The following QTMAN variants were observed in gnomAD, a reference collection of about 807,000 sequenced individuals.
QTMAN encodes queuosine-tRNA mannosyltransferase.
At chr2:144,013,546 A>T in the QTMAN span, among the ~76,000 whole-genome samples, 1 of 152,200 alleles carries the variant, frequency 6.6e-6, no homozygotes, top group Non-Finnish European at 1.5e-5. Context: ...AGACAAAAGG[A>T]CGTCTAAAAG....
the QTMAN span, among the ~76,000 whole-genome samples, chr2:144,253,054 T>C: frequency 6.6e-6 from 1 of 152,156 alleles, no homozygotes; most frequent in African/African-American, 2.4e-5. Flanking sequence ...GGGAGGTAAT[T>C]GAATCATGGG....
the QTMAN span, among the ~76,000 whole-genome samples, chr2:144,265,472 C>T: frequency 1.3e-5 from 2 of 152,006 alleles, no homozygotes; most frequent in African/African-American, 4.8e-5. Flanking sequence ...CTGAGGGGGG[C>T]AGATCACGAG....
the QTMAN span, chr2:143,952,989 C>T: frequency 6.7e-6 from 4 of 597,580 alleles, no homozygotes; most frequent in Non-Finnish European, 1.2e-5. Context: ...ATTCTAAAAG[C>T]CAAAGTTGCT....
the QTMAN span, among the ~76,000 whole-genome samples, chr2:144,213,745 T>C: frequency 6.6e-6 from 1 of 152,182 alleles, no homozygotes; most frequent in African/African-American, 2.4e-5. Flanking sequence ...CTATATGCAA[T>C]ATTTGGAAAC....
chr2:144,038,099 C>A, the QTMAN span, among the ~76,000 whole-genome samples: 4 of 152,158 alleles, frequency 2.6e-5, no homozygotes, highest in Admixed American at 6.6e-5. Context: ...AATGGCTATG[C>A]CTGTCAGGGC....
At chr2:144,317,049 A>C in the QTMAN span, among the ~76,000 whole-genome samples, 3 of 152,208 alleles carry the variant, frequency 2.0e-5, no homozygotes, top group Non-Finnish European at 4.4e-5. Flanking sequence ...GTTCATAATG[A>C]TAACAAGCCA....
the QTMAN span, among the ~76,000 whole-genome samples, chr2:144,214,630 T>C: frequency 1.9e-4 from 29 of 152,158 alleles, no homozygotes; most frequent in Non-Finnish European, 3.5e-4. Context: ...AAAGATGTGG[T>C]AAGCTAATAA....
chr2:144,115,178 C>T, the QTMAN span, among the ~76,000 whole-genome samples: 1 of 151,942 alleles, frequency 6.6e-6, no homozygotes, highest in Non-Finnish European at 1.5e-5. Flanking sequence ...TTGCAGTAAG[C>T]CGAGATCACA....
the QTMAN span, among the ~76,000 whole-genome samples, chr2:144,056,134 T>C: frequency 1.3e-5 from 2 of 152,358 alleles, no homozygotes; most frequent in African/African-American, 4.8e-5. Flanking sequence ...TACTGTACTC[T>C]AGCTTTATGA....
the QTMAN span, among the ~76,000 whole-genome samples, chr2:144,290,492 T>C: frequency 6.6e-6 from 1 of 152,216 alleles, no homozygotes; most frequent in African/African-American, 2.4e-5. Context: ...AAGACCAAGA[T>C]AATCCTTTTA....
chr2:144,029,719 T>C, the QTMAN span, among the ~76,000 whole-genome samples: 1 of 152,196 alleles, frequency 6.6e-6, no homozygotes, highest in Non-Finnish European at 1.5e-5. Flanking sequence ...ATCAAAATTT[T>C]CATTCTTAAG....
the QTMAN span, chr2:143,957,279 G>A: frequency 6.2e-7 from 1 of 1,612,054 alleles, no homozygotes; most frequent in African/African-American, 1.3e-5. Flanking sequence ...ATCTTTGCTG[G>A]GTAAGTAGCC....
the QTMAN span, among the ~76,000 whole-genome samples, chr2:144,055,328 C>A: frequency 6.9e-6 from 1 of 144,804 alleles, no homozygotes; most frequent in Non-Finnish European, 1.5e-5. Context: ...CACACACAGA[C>A]ACACAGACAC....
At chr2:144,112,455 A>G in the QTMAN span, among the ~76,000 whole-genome samples, 1 of 152,248 alleles carries the variant, frequency 6.6e-6, no homozygotes, top group South Asian at 2.1e-4. Flanking sequence ...TGGATATTAA[A>G]GAAGTCAGCA....
At chr2:143,977,718 C>G in the QTMAN span, among the ~76,000 whole-genome samples, 1 of 152,120 alleles carries the variant, frequency 6.6e-6, no homozygotes, top group Non-Finnish European at 1.5e-5. Context: ...CTTGAGATTT[C>G]TATCATCATA....
At chr2:144,317,368 AGGAAGGAAGGAAGGAT>A in the QTMAN span, 1 of 122,400 alleles carries the variant, frequency 8.2e-6, no homozygotes, top group South Asian at 2.6e-4. Flanking sequence ...TTCAAGGGGA[AGGAAGGAAGGAAGGAT>A]GGAAGGAAGG....
chr2:144,192,641 C>T, the QTMAN span, among the ~76,000 whole-genome samples: 1 of 152,138 alleles, frequency 6.6e-6, no homozygotes, highest in African/African-American at 2.4e-5. Flanking sequence ...AAATGCAAAA[C>T]TAATTTACAT....
chr2:144,149,839 GTTTGCC>G, the QTMAN span, among the ~76,000 whole-genome samples: 2 of 151,964 alleles, frequency 1.3e-5, no homozygotes, highest in Non-Finnish European at 2.9e-5. Context: ...TAAATCAGTT[GTTTGCC>G]TTTTACCCTA....
chr2:144,004,883 G>T, the QTMAN span, among the ~76,000 whole-genome samples: 1 of 152,008 alleles, frequency 6.6e-6, no homozygotes, highest in African/African-American at 2.4e-5. Flanking sequence ...TGTCTTTGAT[G>T]TCCCCACAAG....
Sources: gnomAD v4.1 joint callset for allele counts (sites outside exome capture counted in the v4.1 genomes callset) on GRCh38, gnomAD v4.1.1 for gene constraint, MANE v1.5 for transcripts, NCBI Gene and HGNC (gene_info 2026-07-23, HGNC 2026-07-21) for gene names.